The following RERE variants were observed in gnomAD, a reference collection of about 807,000 sequenced individuals.
The protein encoded by RERE is arginine-glutamic acid dipeptide repeats protein.
A neutral mutation model predicts 146.1 loss-of-function variants in RERE; 40 were observed. That is an observed-to-expected ratio of 0.27 (90% CI 0.21 to 0.36). The LOEUF (loss-of-function observed/expected upper bound fraction) is 0.36. Among genes scored for constraint, RERE ranks in the 10% least tolerant of loss-of-function variants. RERE has a pLI of 1.00. For missense variants in RERE, 1,933 were observed against 2,138.7 expected (o/e 0.90, Z 1.90); for synonymous variants, 1,003 against 866.0 (o/e 1.16, Z -2.78).
intron 2 of RERE, among the ~76,000 whole-genome samples, chr1:8,648,668 T>C (rs900977363): frequency 2.6e-5 from 4 of 152,234 alleles, no homozygotes; most frequent in African/African-American, 9.6e-5. Context: ...AAAATAACAC[T>C]TAAGTGATCA....
intron 1 of RERE, among the ~76,000 whole-genome samples, chr1:8,811,726 G>C (rs1389783237): frequency 6.6e-6 from 1 of 152,234 alleles, no homozygotes; most frequent in Non-Finnish European, 1.5e-5. Flanking sequence ...TTTTGTAGGA[G>C]GAGCTCTGCC....
chr1:8,357,068 C>CCT (rs1641325576), intron 20 of RERE, among the ~76,000 whole-genome samples: 1 of 152,204 alleles, frequency 6.6e-6, no homozygotes. Context: ...CTCCTGATCC[C>CCT]CTCTTCTGGA....
intron 7 of RERE, among the ~76,000 whole-genome samples, chr1:8,530,273 GAGA>G (rs1379849833): frequency 6.6e-6 from 1 of 152,094 alleles, no homozygotes; most frequent in African/African-American, 2.4e-5. Flanking sequence ...CTGAGTGGGA[GAGA>G]AGAATACACA....
intron 6 of RERE, among the ~76,000 whole-genome samples, chr1:8,552,672 G>A (rs1328221705): frequency 6.6e-6 from 1 of 152,158 alleles, no homozygotes; most frequent in Non-Finnish European, 1.5e-5. Context: ...ATCTACCTTC[G>A]TGAAGAGAAA....
Position 8,452,313 on chromosome 1 carries a change from A to G in RERE, c.1203+13612T>C, listed in dbSNP as rs375173224. ...TGTGTGGCTGCTGTCCCCTCTCTAG[A>G]TTCTGTGGTGATAAATCCAACTCAA... On this transcript the variant is annotated intron_variant, in intron 11 of 22. Coordinates refer to ENST00000400908, the MANE Select transcript of RERE (RefSeq NM_001042681.2). 2.2e-4 allele frequency among the ~76,000 whole-genome samples: 33 copies of G among 152,246 alleles called. No individual in the cohort carries two copies. The South Asian group carries it at 6.8e-3, about 32-fold the overall frequency.
rs190131656 is a variant in RERE at position 8,540,027 on chromosome 1, T to C, written c.830+1187A>G. 3.4e-4 allele frequency among the ~76,000 whole-genome samples: 52 copies of C among 152,326 alleles called. 2 individuals carry two copies. The highest frequency in any genetic ancestry group is 2.7e-3 in the Admixed American group (41 of 15,296). On this transcript the variant is annotated intron_variant, in intron 7 of 22. Coordinates refer to ENST00000400908, the MANE Select transcript of RERE (RefSeq NM_001042681.2). The stretch of plus-strand genomic sequence containing the variant: ...AATAAAATGATACCCATTTTGCCTT[T>C]ACACTTAATGTAGTTCTTTTGCTAA...
At chr1:8,607,354 CCT>C (rs1291177634) in intron 4 of RERE, among the ~76,000 whole-genome samples, 2 of 146,320 alleles carry the variant, frequency 1.4e-5, no homozygotes, top group Non-Finnish European at 1.5e-5. Flanking sequence ...AGGGAGATAC[CCT>C]GTCTCCAAAA....
intron 1 of RERE, among the ~76,000 whole-genome samples, chr1:8,731,439 C>T (rs1317973006): frequency 6.6e-6 from 1 of 152,184 alleles, no homozygotes; most frequent in African/African-American, 2.4e-5. Flanking sequence ...CTCTTGCCTT[C>T]TCACAGAAGG....
Position 8,365,972 on chromosome 1 carries a change from C to G in RERE, c.1287G>C (p.Gly429=). The change falls in exon 13 of 23, where the codon GGG becomes GGC. Residue 429 remains glycine (G), a splice_region_variant and synonymous_variant. Transcript: ENST00000400908. ...RKELLPNKET[G]ELITFYYYWK... ...AATAGTAATAGAAGGTGATCAGCTCCCCCTGCAGAAGAGAAGGGCTGACTG... is the reference window on the plus strand; with the variant it reads ...AATAGTAATAGAAGGTGATCAGCTCGCCCTGCAGAAGAGAAGGGCTGACTG... The G allele has an allele frequency of 6.2e-7, 1 of 1,613,058 alleles. No homozygotes were observed. The highest frequency in any genetic ancestry group is 8.5e-7 in the Non-Finnish European group (1 of 1,179,906).
At chr1:8,759,838 T>TACAC (rs369646175) in intron 1 of RERE, among the ~76,000 whole-genome samples, 6,914 of 142,216 alleles carry the variant, frequency 0.049, 213 homozygotes, top group East Asian at 0.092. Flanking sequence ...ACTCTCTCTA[T>TACAC]ACACACACAC....
chr1:8,490,786 T>C (rs954904232), intron 10 of RERE, among the ~76,000 whole-genome samples: 1 of 150,402 alleles, frequency 6.6e-6, no homozygotes, highest in African/African-American at 2.5e-5. Context: ...TCAATGGCTA[T>C]CTGAGGCTGG....
chr1:8,538,496 GC>G (rs1241234384), intron 7 of RERE, among the ~76,000 whole-genome samples: 1 of 152,168 alleles, frequency 6.6e-6, no homozygotes, highest in Non-Finnish European at 1.5e-5. Context: ...CATTTGAGCA[GC>G]TGTGGGAACT....
chr1:8,625,140 G>GTTTGT (rs369464766), intron 2 of RERE, among the ~76,000 whole-genome samples: 47 of 152,010 alleles, frequency 3.1e-4, no homozygotes, highest in Admixed American at 4.6e-4. Flanking sequence ...TTGTTTGTTT[G>GTTTGT]TTTGTTTTGT....
At chr1:8,604,886 T>C (rs967457697) in intron 4 of RERE, among the ~76,000 whole-genome samples, 1 of 152,248 alleles carries the variant, frequency 6.6e-6, no homozygotes, top group African/African-American at 2.4e-5. Flanking sequence ...TAAACTTTTG[T>C]AAGGCACAGT....
In RERE at chr1:8,492,968, G is replaced by A. The variant is rs982017350; in HGVS notation, c.1104+2095C>T. Among the ~76,000 whole-genome samples, 3 of 152,140 alleles carry A rather than the reference G, an allele frequency of 2.0e-5. 1 individual carries two copies. The highest frequency in any genetic ancestry group is 6.5e-5 in the Admixed American group (1 of 15,270). ...CTGTAATCCCAGCTACAGCTACTCA[G>A]GAAGCTGAAGTGGGAGGATCACTTG... On this transcript the variant is annotated intron_variant, in intron 10 of 22. Coordinates refer to ENST00000400908, the MANE Select transcript of RERE (RefSeq NM_001042681.2).
rs113299720 is a variant in RERE at position 8,784,065 on chromosome 1, A to G, written c.-145+33095T>C. On this transcript the variant is annotated intron_variant, in intron 1 of 22. Coordinates refer to ENST00000400908, the MANE Select transcript of RERE (RefSeq NM_001042681.2). Reference sequence around the variant, plus strand: ...TGTCTGTTGTGTTAAGCCACCAAGCATGTGCTTGTAATGGCAGCCCCAGGA... The same window carrying G: ...TGTCTGTTGTGTTAAGCCACCAAGCGTGTGCTTGTAATGGCAGCCCCAGGA... Among the ~76,000 whole-genome samples, 421 of 152,308 alleles carry G rather than the reference A, an allele frequency of 2.8e-3. 3 individuals are homozygous for G. Among genetic ancestry groups the G allele is most frequent in the African/African-American group, 7.9e-3 (328 of 41,578 alleles).
intron 6 of RERE, among the ~76,000 whole-genome samples, chr1:8,550,756 C>T (rs1048314954): frequency 6.6e-6 from 1 of 152,156 alleles, no homozygotes; most frequent in Non-Finnish European, 1.5e-5. Flanking sequence ...CCATGTTGGC[C>T]AGGCTGGTCT....
chr1:8,721,496 T>C (rs964018130), intron 1 of RERE, among the ~76,000 whole-genome samples: 4 of 152,010 alleles, frequency 2.6e-5, no homozygotes, highest in Admixed American at 6.6e-5. Flanking sequence ...CTATTTTTAA[T>C]AGAGAGAGGG....
At chr1:8,639,019 C>T (rs961678365) in intron 2 of RERE, among the ~76,000 whole-genome samples, 3 of 151,962 alleles carry the variant, frequency 2.0e-5, no homozygotes, top group Non-Finnish European at 4.4e-5. Context: ...ATTATCCTCC[C>T]ATCTCGGCCT....
Sources: gnomAD v4.1 joint callset for allele counts (sites outside exome capture counted in the v4.1 genomes callset) on GRCh38, gnomAD v4.1.1 for gene constraint, MANE v1.5 for transcripts, NCBI Gene and HGNC (gene_info 2026-07-23, HGNC 2026-07-21) for gene names.